Variants in SNRPN observed in about 807,000 individuals in gnomAD.
The protein encoded by SNRPN is small nuclear ribonucleoprotein polypeptide N.
A neutral mutation model predicts 25.2 loss-of-function variants in SNRPN; 7 were observed. The ratio of observed to expected loss-of-function variants is 0.28; its 90% CI spans 0.16 to 0.52. The LOEUF (loss-of-function observed/expected upper bound fraction) is 0.52, where lower values mean the gene tolerates loss of function less well. Ranked by LOEUF, SNRPN falls within the 20% of genes least tolerant of loss-of-function variation. SNRPN has a pLI of 0.96. For missense variants in SNRPN, 196 were observed against 322.5 expected, an observed-to-expected ratio of 0.61 and a Z score of 3.00; for synonymous variants, 124 against 110.6, an observed-to-expected ratio of 1.12 and a Z score of -0.76.
chr15:24,855,941 T>G (rs558464511), upstream of SNRPN, among the ~76,000 whole-genome samples: 4 of 152,340 alleles, frequency 2.6e-5, no homozygotes, highest in South Asian at 4.1e-4. Flanking sequence ...AGATCAGATT[T>G]TATTTTTCCC....
At chr15:24,956,500 GC>G (rs36046907) in intron 1 of SNRPN, among the ~76,000 whole-genome samples, 1 of 152,172 alleles carries the variant, frequency 6.6e-6, no homozygotes, top group Non-Finnish European at 1.5e-5. Context: ...GTGGGCGGCT[GC>G]CCCCTCCCCA....
chr15:24,834,751 C>CTATATATATATATATATATA (rs796257838), intron 2 of SNRPN, among the ~76,000 whole-genome samples: 3 of 60,954 alleles, frequency 4.9e-5, no homozygotes, highest in Non-Finnish European at 6.6e-5. Flanking sequence ...CTCTCTCTCT[C>CTATATATATATATATATATA]TATATATATA....
At chr15:24,973,166 G>A (rs2076648961) in intron 3 of SNRPN, among the ~76,000 whole-genome samples, 1 of 152,082 alleles carries the variant, frequency 6.6e-6, no homozygotes, top group African/African-American at 2.4e-5. Context: ...TGGGATTATG[G>A]GCGTGAGCCA....
chr15:24,883,695 G>A (rs1412733760), intron 1 of SNRPN, among the ~76,000 whole-genome samples: 1 of 151,986 alleles, frequency 6.6e-6, no homozygotes, highest in Non-Finnish European at 1.5e-5. Context: ...AATAATATTA[G>A]TTACTACTAG....
intron 2 of SNRPN, among the ~76,000 whole-genome samples, chr15:24,965,871 ATTTT>A (rs5811370): frequency 1.3e-5 from 2 of 151,232 alleles, no homozygotes; most frequent in African/African-American, 4.9e-5. Context: ...CATTATATAT[ATTTT>A]TTTTTACTGA....
chr15:24,901,106 CA>C (rs950368509), intron 2 of SNRPN, among the ~76,000 whole-genome samples: 5 of 151,992 alleles, frequency 3.3e-5, no homozygotes, highest in Non-Finnish European at 7.4e-5. Flanking sequence ...AAAAAATTAA[CA>C]AAAAAAGATT....
At chr15:24,832,594 C>T (rs887383931) in intron 2 of SNRPN, among the ~76,000 whole-genome samples, 5 of 151,958 alleles carry the variant, frequency 3.3e-5, no homozygotes, top group African/African-American at 1.2e-4. Flanking sequence ...GCTGGTAACC[C>T]CAGCCAGCAG....
In SNRPN at chr15:24,892,984, G is replaced by A. The variant is rs145017251; in HGVS notation, c.-505+6395G>A. Among the ~76,000 whole-genome samples, 715 of 152,116 alleles carry A rather than the reference G, an allele frequency of 4.7e-3. 1 individual carries two copies. Among genetic ancestry groups the A allele is most frequent in the African/African-American group, 0.017 (695 of 41,504 alleles). On this transcript the variant is annotated intron_variant, in intron 2 of 11. Transcript: ENST00000400097. ...AGCACTTTGGGAGGCTGAGGCAGGC[G>A]GATCACCTAAGGTCAGGAGTTCAAG...
chr15:24,877,966 T>C (rs1210137289), intron 1 of SNRPN, among the ~76,000 whole-genome samples: 1 of 152,242 alleles, frequency 6.6e-6, no homozygotes, highest in African/African-American at 2.4e-5. Context: ...TGAGTGCTAG[T>C]GGCTGATTCT....
chr15:24,925,072 A>G (rs556810120), intron 3 of SNRPN, among the ~76,000 whole-genome samples: 9 of 152,008 alleles, frequency 5.9e-5, no homozygotes, highest in African/African-American at 2.2e-4. Flanking sequence ...GTACACAATC[A>G]TATGATTATT....
chr15:24,967,841 TAAATGTA>T (rs954324700), intron 2 of SNRPN, 84 bp from the exon 3 acceptor site: 63 of 1,036,388 alleles, frequency 6.1e-5, no homozygotes, highest in Non-Finnish European at 8.5e-5. Flanking sequence ...AATATCTTCT[TAAATGTA>T]AGGGTACCTA....
At chr15:24,933,200 A>G (rs1243480246) in intron 3 of SNRPN, among the ~76,000 whole-genome samples, 1 of 152,146 alleles carries the variant, frequency 6.6e-6, no homozygotes, top group East Asian at 1.9e-4. Flanking sequence ...TTGAGGCTGC[A>G]GTTAGCCAAG....
Position 24,923,966 on chromosome 15 carries a change from T to A in SNRPN, c.-391+3842T>A, listed in dbSNP as rs186561301. On this transcript the variant is annotated intron_variant, in intron 3 of 11. Coordinates refer to the SNRPN transcript ENST00000400097. ...TTTTTTTTGAGATGGAGTCTCACTC[T>A]GTCACCCAGGCTGGATGCCTGGCTT... Among the ~76,000 whole-genome samples, 169 of 134,954 alleles carry A rather than the reference T, an allele frequency of 1.3e-3. 2 individuals carry two copies. The highest frequency in any genetic ancestry group is 4.4e-3 in the African/African-American group (159 of 36,164). The allele number at this position is 134,954 out of a possible 152,430, so 88.5% of individuals were successfully genotyped here. A position where few individuals can be genotyped will look rare whatever the true frequency, so the allele number is the denominator to read the frequency against.
intron 1 of SNRPN, among the ~76,000 whole-genome samples, chr15:24,827,556 T>A (rs1374303439): frequency 6.9e-6 from 1 of 144,468 alleles, no homozygotes; most frequent in East Asian, 2.1e-4. Context: ...ATGCTTACGC[T>A]ATACTAAATT....
chr15:24,901,369 ACTTAGAGTATT>A (rs2058443327), intron 2 of SNRPN, among the ~76,000 whole-genome samples: 1 of 152,212 alleles, frequency 6.6e-6, no homozygotes, highest in Non-Finnish European at 1.5e-5. Context: ...TGAGAAGCAT[ACTTAGAGTATT>A]GTTTGATCTC....
At chr15:24,896,998 C>T (rs1383259116) in intron 2 of SNRPN, among the ~76,000 whole-genome samples, 1 of 151,768 alleles carries the variant, frequency 6.6e-6, no homozygotes, top group Admixed American at 6.6e-5. Context: ...TAGTAAAATA[C>T]AAAAATTACC....
At chr15:24,874,917 C>T (rs887319269) in intron 1 of SNRPN, among the ~76,000 whole-genome samples, 1 of 152,108 alleles carries the variant, frequency 6.6e-6, no homozygotes, top group Non-Finnish European at 1.5e-5. Flanking sequence ...CTTATATTTT[C>T]CATCTTTGTC....
At chr15:24,887,599 C>G (rs1290909077) in intron 2 of SNRPN, among the ~76,000 whole-genome samples, 1 of 152,078 alleles carries the variant, frequency 6.6e-6, no homozygotes, top group Non-Finnish European at 1.5e-5. Context: ...ACAATTTAGA[C>G]AAAGTTTTCA....
At chr15:24,882,338 C>T (rs1224519232) in intron 1 of SNRPN, among the ~76,000 whole-genome samples, 2 of 152,008 alleles carry the variant, frequency 1.3e-5, no homozygotes, top group Non-Finnish European at 2.9e-5. Flanking sequence ...AGAAAAAAAA[C>T]TACCTAAAGT....
Sources: gnomAD v4.1 joint callset for allele counts (sites outside exome capture counted in the v4.1 genomes callset) on GRCh38, gnomAD v4.1.1 for gene constraint, MANE v1.5 for transcripts, NCBI Gene and HGNC (gene_info 2026-07-23, HGNC 2026-07-21) for gene names.